The following TMEM52B variants were observed in gnomAD, a reference collection of about 807,000 sequenced individuals.
The protein encoded by TMEM52B is chromosome 12 open reading frame 59.
In TMEM52B, 11 loss-of-function variants were observed where a neutral mutation model predicts 16.1. The ratio of observed to expected loss-of-function variants is 0.68; its 90% CI spans 0.43 to 1.13. TMEM52B has a LOEUF of 1.13. TMEM52B is among the 50% of genes most tolerant of loss of function. The pLI, the probability that TMEM52B is intolerant of heterozygous loss-of-function variation, is 0.00. For missense variants in TMEM52B, 243 were observed against 230.4 expected (o/e 1.05, Z -0.35); for synonymous variants, 101 against 93.8 (o/e 1.08, Z -0.45).
chr12:10,188,300 C>T (rs776765018), intron 4 of TMEM52B, among the ~76,000 whole-genome samples: 7 of 150,972 alleles, frequency 4.6e-5, no homozygotes, highest in Admixed American at 3.3e-4. Flanking sequence ...TCCCTATTAA[C>T]GTACAAAATT....
At chr12:10,173,547 A>ACG (rs562131353) in intron 1 of TMEM52B, among the ~76,000 whole-genome samples, 1 of 149,240 alleles carries the variant, frequency 6.7e-6, no homozygotes, top group African/African-American at 2.5e-5. Context: ...TGGGAAGCTG[A>ACG]GGGGGGGGGT....
At chr12:10,189,597 TG>T (rs1237446104) in intron 4 of TMEM52B, among the ~76,000 whole-genome samples, 1 of 124,226 alleles carries the variant, frequency 8.0e-6, no homozygotes, top group Non-Finnish European at 1.6e-5. Context: ...CACTCCAGCC[TG>T]GGCAACAAGA....
chr12:10,178,541 AG>A (rs1948786770), upstream of TMEM52B, among the ~76,000 whole-genome samples: 1 of 140,972 alleles, frequency 7.1e-6, no homozygotes, highest in Non-Finnish European at 1.6e-5. Flanking sequence ...AAAAAAAAAA[AG>A]TATTCTATGC....
At chr12:10,186,340 A>C in intron 3 of TMEM52B, 80 bp from the exon 4 acceptor site, 1 of 1,079,064 alleles carries the variant, frequency 9.3e-7, no homozygotes, top group Non-Finnish European at 1.2e-6. Context: ...ATCAAAACAC[A>C]GACATTAAAG....
At chr12:10,171,905 T>C (rs1445253771) in intron 1 of TMEM52B, 2 of 825,432 alleles carry the variant, frequency 2.4e-6, no homozygotes, top group Admixed American at 4.4e-5. Flanking sequence ...TTCCCATACT[T>C]GGGTGTTTAG....
upstream of TMEM52B, among the ~76,000 whole-genome samples, chr12:10,178,777 A>C (rs147057032): frequency 1.3e-5 from 2 of 152,316 alleles, no homozygotes; most frequent in African/African-American, 4.8e-5. Flanking sequence ...TTCAATGGGA[A>C]GTGAAGTCAG....
intron 4 of TMEM52B, among the ~76,000 whole-genome samples, chr12:10,187,098 G>GCT (rs1948888639): frequency 2.6e-5 from 1 of 38,670 alleles, no homozygotes; most frequent in Admixed American, 3.9e-4. Context: ...TTTCCATGAC[G>GCT]GTTTTTTTTT....
intron 2 of TMEM52B, among the ~76,000 whole-genome samples, chr12:10,183,884 A>G (rs1948851256): frequency 6.6e-6 from 1 of 152,168 alleles, no homozygotes; most frequent in South Asian, 2.1e-4. Flanking sequence ...CCTATCTCCT[A>G]GCATACAACT....
At chr12:10,181,749 C>T (rs554672243) in intron 1 of TMEM52B, among the ~76,000 whole-genome samples, 11 of 151,154 alleles carry the variant, frequency 7.3e-5, no homozygotes, top group East Asian at 2.0e-4. Flanking sequence ...CATGGCCGGG[C>T]GCGGTGGCTC....
At position 10,184,097 on chromosome 12, in the gene TMEM52B, C is replaced by T. The variant is rs78273016; in HGVS notation, c.99-1233C>T. ...CAATGGCCAATGATTTAATCAATCA[C>T]GCCTACATAATGAGGCTTTCATGAA... On this transcript the variant is annotated intron_variant, in intron 2 of 4. Coordinates refer to ENST00000543484, the MANE Select transcript of TMEM52B (RefSeq NM_001384896.1). Among the ~76,000 whole-genome samples the T allele has an allele frequency of 8.2e-3, 1,253 of 152,206 alleles. 8 individuals are homozygous for T. The highest frequency in any genetic ancestry group is 0.01 in the Non-Finnish European group (710 of 68,008).
chr12:10,188,889 C>T (rs1274851314), intron 4 of TMEM52B, among the ~76,000 whole-genome samples: 3 of 151,442 alleles, frequency 2.0e-5, no homozygotes, highest in Non-Finnish European at 2.9e-5. Context: ...TGGTGGCGGG[C>T]GCCTGTAGTC....
At chr12:10,177,733 G>A (rs1948776843), upstream of TMEM52B, among the ~76,000 whole-genome samples, 1 of 147,640 alleles carries the variant, frequency 6.8e-6, no homozygotes, top group African/African-American at 2.5e-5. Context: ...TTGCACCACT[G>A]CCCTCCAGCC....
chr12:10,188,636 G>A (rs913081161), intron 4 of TMEM52B, among the ~76,000 whole-genome samples: 3 of 152,136 alleles, frequency 2.0e-5, no homozygotes, highest in Non-Finnish European at 4.4e-5. Context: ...GGAGGCCGAG[G>A]CAGGTGGATT....
At position 10,179,600 on chromosome 12, in the gene TMEM52B, C is replaced by G. The variant is rs768022750; in HGVS notation, c.26C>G (p.Ala9Gly). 1.2e-6 allele frequency: 2 copies of G among 1,614,038 alleles called. No homozygotes were observed. Among genetic ancestry groups the G allele is most frequent in the South Asian group, 2.2e-5 (2 of 91,086 alleles). ...ATGGGAGTCCGAGTTCATGTCGTGG[C>G]GGCCTCAGCCCTGCTGTATTTCATC... MGVRVHVV[A>G]ASALLYFILL... is the part of the protein sequence containing the mutation. Residue 9 changes from alanine to glycine, a missense_variant, in exon 1 of 5, where the codon GCG becomes GGG. Transcript: ENST00000543484.
At chr12:10,178,043 C>T (rs1948781005), upstream of TMEM52B, among the ~76,000 whole-genome samples, 1 of 150,846 alleles carries the variant, frequency 6.6e-6, no homozygotes, top group Non-Finnish European at 1.5e-5. Flanking sequence ...TTACAGGTGC[C>T]TGCCATGACA....
chr12:10,188,390 C>T (rs1426462258), intron 4 of TMEM52B, among the ~76,000 whole-genome samples: 1 of 150,940 alleles, frequency 6.6e-6, no homozygotes, highest in Admixed American at 6.6e-5. Context: ...GCCCAGGAGG[C>T]GGAGGTTTCA....
chr12:10,181,527 A>T lies in TMEM52B; in HGVS notation c.55-1023A>T, dbSNP rs1591989355. ...GTATTTTTCGTAGAGACGGGATTTC[A>T]CCATGTTGGCCAGGCTGGTCTCGAA... On this transcript the variant is annotated intron_variant, in intron 1 of 4. Transcript: ENST00000543484. Among the ~76,000 whole-genome samples, 4 of 150,820 alleles carry T rather than the reference A, an allele frequency of 2.7e-5. No homozygotes were observed. In the East Asian group the frequency reaches 8.1e-4, roughly 31 times the overall value.
intron 1 of TMEM52B, among the ~76,000 whole-genome samples, chr12:10,171,688 A>C (rs1265356066): frequency 6.6e-6 from 1 of 152,218 alleles, no homozygotes; most frequent in East Asian, 1.9e-4. Context: ...CCTGATGCCC[A>C]GTTAGCTCTC....
chr12:10,191,498 G>A lies in TMEM52B; in HGVS notation c.*1358G>A, dbSNP rs1948958124. The A allele has an allele frequency of 6.6e-6, 1 of 152,144 alleles. No homozygotes were observed. Among genetic ancestry groups the A allele is most frequent in the African/African-American group, 2.4e-5 (1 of 41,426 alleles). 9.4% of individuals were successfully genotyped at this position (152,144 alleles called of 1,614,324 possible). On this transcript the variant is annotated 3_prime_UTR_variant, in exon 5 of 5. Coordinates refer to ENST00000543484, the MANE Select transcript of TMEM52B (RefSeq NM_001384896.1). ...GGCCTCCCAAAGTGCTGGAATTAGA[G>A]GCCTGACCCCCTGCTCCTGGCCTGA...
Sources: gnomAD v4.1 joint callset for allele counts (sites outside exome capture counted in the v4.1 genomes callset) on GRCh38, gnomAD v4.1.1 for gene constraint, MANE v1.5 for transcripts, NCBI Gene and HGNC (gene_info 2026-07-23, HGNC 2026-07-21) for gene names.